Variants in KCND3 observed in about 807,000 individuals in gnomAD.
KCND3 encodes the protein potassium voltage-gated channel subfamily D member 3.
A neutral mutation model predicts 51.1 loss-of-function variants in KCND3; 9 were observed. The ratio of observed to expected loss-of-function variants is 0.18; its 90% CI spans 0.11 to 0.31. KCND3 has a LOEUF of 0.31. Among genes scored for constraint, KCND3 ranks in the 10% least tolerant of loss-of-function variants. The probability of loss-of-function intolerance (pLI) is 1.00; values close to 1 mark genes in which losing one functional copy is unlikely to be tolerated. For missense variants in KCND3, 526 were observed against 903.8 expected, an observed-to-expected ratio of 0.58 and a Z score of 5.36; for synonymous variants, 349 against 368.0, an observed-to-expected ratio of 0.95 and a Z score of 0.59.
At chr1:111,934,243 C>G (rs1056236363) in intron 2 of KCND3, among the ~76,000 whole-genome samples, 1 of 152,204 alleles carries the variant, frequency 6.6e-6, no homozygotes, top group Non-Finnish European at 1.5e-5. Context: ...CAGACTCCCT[C>G]CCATCCTCCA....
At chr1:111,915,867 A>T (rs533312293) in intron 2 of KCND3, among the ~76,000 whole-genome samples, 22 of 146,034 alleles carry the variant, frequency 1.5e-4, no homozygotes, top group African/African-American at 2.0e-4. Flanking sequence ...GGGATAAATT[A>T]AAAAAAAAAA....
At chr1:111,938,320 G>A (rs1672319349) in intron 2 of KCND3, among the ~76,000 whole-genome samples, 1 of 152,158 alleles carries the variant, frequency 6.6e-6, no homozygotes. Context: ...TCCATTTCCT[G>A]CCAGACACTA....
intron 2 of KCND3, among the ~76,000 whole-genome samples, chr1:111,958,827 C>G (rs1673477035): frequency 6.6e-6 from 1 of 152,220 alleles, no homozygotes; most frequent in Admixed American, 6.5e-5. Context: ...TTCTCTTCCT[C>G]AACATGAAGC....
chr1:111,953,897 C>T (rs960423854), intron 2 of KCND3, among the ~76,000 whole-genome samples: 4 of 152,308 alleles, frequency 2.6e-5, no homozygotes, highest in South Asian at 2.1e-4. Flanking sequence ...TTCCCTCCTG[C>T]TCCAGATCAC....
intron 2 of KCND3, among the ~76,000 whole-genome samples, chr1:111,914,322 T>C (rs1202333424): frequency 6.9e-6 from 1 of 144,962 alleles, no homozygotes; most frequent in Non-Finnish European, 1.5e-5. Flanking sequence ...AAGTAACAAG[T>C]CATCTAACAT....
At chr1:111,881,700 G>C (rs1669333869) in intron 2 of KCND3, among the ~76,000 whole-genome samples, 1 of 152,146 alleles carries the variant, frequency 6.6e-6, no homozygotes, top group African/African-American at 2.4e-5. Context: ...CTGCAGCTGT[G>C]TGGCTCTGAG....
intron 2 of KCND3, among the ~76,000 whole-genome samples, chr1:111,905,796 C>T (rs1279486613): frequency 6.6e-6 from 1 of 152,304 alleles, no homozygotes; most frequent in Non-Finnish European, 1.5e-5. Flanking sequence ...TGGGCCCCAC[C>T]CAGGCCCTTT....
intron 2 of KCND3, among the ~76,000 whole-genome samples, chr1:111,962,690 A>G (rs759242330): frequency 5.3e-5 from 8 of 152,202 alleles, no homozygotes; most frequent in African/African-American, 1.7e-4. Flanking sequence ...TTCAGTCCAC[A>G]TGGTTCATGG....
intron 2 of KCND3, among the ~76,000 whole-genome samples, chr1:111,920,908 G>A (rs888055316): frequency 6.6e-6 from 1 of 152,220 alleles, no homozygotes; most frequent in Non-Finnish European, 1.5e-5. Context: ...CCCCAGCAGG[G>A]AGTCTTTGCA....
intron 2 of KCND3, among the ~76,000 whole-genome samples, chr1:111,861,714 C>A (rs151211319): frequency 1.3e-5 from 2 of 152,272 alleles, no homozygotes; most frequent in Non-Finnish European, 2.9e-5. Flanking sequence ...GAGGGCTCTG[C>A]AGGGAAGAGG....
chr1:111,986,239 CACA>C (rs1183740859), intron 1 of KCND3, among the ~76,000 whole-genome samples: 1 of 152,214 alleles, frequency 6.6e-6, no homozygotes, highest in Non-Finnish European at 1.5e-5. Flanking sequence ...CACTTTTACA[CACA>C]ACATTTAATT....
intron 2 of KCND3, among the ~76,000 whole-genome samples, chr1:111,928,525 A>G (rs1671816305): frequency 6.6e-6 from 1 of 152,252 alleles, no homozygotes; most frequent in South Asian, 2.1e-4. Context: ...TTCAGACGGC[A>G]TCACGCAATT....
At position 111,776,196 on chromosome 1, in the gene KCND3, T is replaced by C. The variant is rs948125814; in HGVS notation, c.1849A>G (p.Ile617Val). 3.5e-5 allele frequency: 56 copies of C among 1,614,220 alleles called. No individual in the cohort carries two copies. The highest frequency in any genetic ancestry group is 4.7e-5 in the Non-Finnish European group (55 of 1,180,046). ...GGGGTTAGCGCTGGGGGAGTGGGGA[T>C]GCTGATGATGGCTGTGGTGATCTGG... ...TSQITTAIIS[I>V]PTPPALTPEG... Residue 617 changes from isoleucine (I) to valine (V), a missense_variant, in exon 8 of 8, where the codon ATC (isoleucine) becomes GTC (valine). Physicochemically the swap from Ile to Val is conservative, Grantham distance 29. Coordinates refer to ENST00000302127, the MANE Select transcript of KCND3 (RefSeq NM_001378969.1).
At position 111,774,524 on chromosome 1, in the gene KCND3, T is replaced by C. The variant is rs556152001; in HGVS notation, c.*1553A>G. 1.3e-5 allele frequency: 2 copies of C among 152,372 alleles called. No individual in the cohort carries two copies. Among genetic ancestry groups the C allele is most frequent in the African/African-American group, 4.8e-5 (2 of 41,570 alleles). 9.4% of individuals were successfully genotyped at this position (152,372 alleles called of 1,614,324 possible). A position where few individuals can be genotyped will look rare whatever the true frequency, so the allele number is the denominator to read the frequency against. On this transcript the variant is annotated 3_prime_UTR_variant, in exon 8 of 8. Transcript: ENST00000302127. ...GCAAGCTAGTTGAATAGATATGTTG[T>C]CCAGGTGTTCAAGAAATAATCTTCA... is the stretch of plus-strand genomic sequence containing the variant.
chr1:111,904,100 T>G (rs979982571), intron 2 of KCND3, among the ~76,000 whole-genome samples: 2 of 151,454 alleles, frequency 1.3e-5, no homozygotes, highest in Admixed American at 1.3e-4. Flanking sequence ...TTTTTGTTTT[T>G]TTTTTTTTTG....
chr1:111,982,251 G>C lies in KCND3; in HGVS notation c.476C>G (p.Ser159Cys). ...CTGGCGGAAGCTGAGCGAGGGCATG[G>C]ACTCCTGGTTGTTCTCCGAGTCGTT... ...DDNDSENNQE[S>C]MPSLSFRQTM... Residue 159 changes from serine to cysteine, a missense_variant, in exon 2 of 8, where the codon TCC becomes TGC. Ser to Cys is a moderately radical substitution (Grantham distance 112). This residue lies in a region of KCND3 where 159 missense variants were observed against 262.8 expected (regional missense o/e 0.61). Coordinates refer to ENST00000302127, the MANE Select transcript of KCND3 (RefSeq NM_001378969.1). This position sits in a 1 kb window ranked among gnomAD's most constrained non-coding sequence, Gnocchi z 8.5. 1 of 1,614,142 alleles carries C rather than the reference G, an allele frequency of 6.2e-7. No individual in the cohort carries two copies.
chr1:111,817,400 C>A (rs1181097301), intron 2 of KCND3, among the ~76,000 whole-genome samples: 7 of 152,104 alleles, frequency 4.6e-5, no homozygotes, highest in Admixed American at 4.6e-4. Context: ...CCAAAAGTGG[C>A]CCAATAATTT....
At chr1:111,847,415 G>A (rs1156984215) in intron 2 of KCND3, among the ~76,000 whole-genome samples, 1 of 152,146 alleles carries the variant, frequency 6.6e-6, no homozygotes, top group Non-Finnish European at 1.5e-5. Context: ...AGATAAAAAT[G>A]GCCAAAAGAA....
chr1:111,808,794 C>T lies in KCND3; in HGVS notation c.1107-21688G>A, dbSNP rs1665697473. 3.3e-5 allele frequency among the ~76,000 whole-genome samples: 5 copies of T among 152,360 alleles called. No homozygotes were observed. The South Asian group carries it at 8.3e-4, about 25-fold the overall frequency. ...CCCAGCTCCAAGAGGAGACTGCCAA[C>T]TCTGCAAAAAGCATTAAATACTTGT... On this transcript the variant is annotated intron_variant, in intron 2 of 7. Transcript: ENST00000302127.
Sources: allele counts gnomAD v4.1 joint callset (sites outside exome capture counted in the v4.1 genomes callset), GRCh38; gene constraint gnomAD v4.1.1; regional missense constraint gnomAD v4.1.1; non-coding constraint Gnocchi (gnomAD v3.1); transcripts MANE v1.5; gene names NCBI Gene and HGNC (gene_info 2026-07-23, HGNC 2026-07-21).